GNG5: variants seen among roughly 807,000 people sequenced by gnomAD.
GNG5 encodes the protein guanine nucleotide-binding protein G(I)/G(S)/G(O) subunit gamma-5.
GNG5 carries 2 observed loss-of-function variants against 6.2 expected under a neutral mutation model. That is an observed-to-expected ratio of 0.32 (90% CI 0.13 to 1.01). The LOEUF (loss-of-function observed/expected upper bound fraction) is 1.01, where lower values mean the gene tolerates loss of function less well. Among genes scored for constraint, GNG5 ranks in the 50% least tolerant of loss-of-function variants. The probability of loss-of-function intolerance (pLI) is 0.48; values close to 1 mark genes in which losing one functional copy is unlikely to be tolerated. For missense variants in GNG5, 57 were observed against 80.2 expected (o/e 0.71, Z 1.10); for synonymous variants, 24 against 33.0 (o/e 0.73, Z 0.93).
chr1:84,505,371 C>A (rs1426085627), intron 2 of GNG5, among the ~76,000 whole-genome samples: 1 of 152,176 alleles, frequency 6.6e-6, no homozygotes, highest in Non-Finnish European at 1.5e-5. Flanking sequence ...GCAAACTGTG[C>A]CATAGGTATG....
At chr1:84,501,994 A>G (rs767099690) in intron 2 of GNG5, 24 bp from the exon 3 acceptor site, 59 of 1,561,908 alleles carry the variant, frequency 3.8e-5, no homozygotes, top group Non-Finnish European at 4.9e-5. Flanking sequence ...AGAGGGGGGG[A>G]AGTGCCAGAT....
At chr1:84,503,408 C>T (rs1318205930) in intron 2 of GNG5, among the ~76,000 whole-genome samples, 1 of 152,152 alleles carries the variant, frequency 6.6e-6, no homozygotes, top group Non-Finnish European at 1.5e-5. Context: ...TGAATCTAAA[C>T]GCTTATCGAA....
chr1:84,500,681 T>C (rs1682040306), intron 3 of GNG5, among the ~76,000 whole-genome samples: 1 of 152,144 alleles, frequency 6.6e-6, no homozygotes, highest in African/African-American at 2.4e-5. Context: ...TGACACCTGT[T>C]TTCAAAGGGC....
intron 2 of GNG5, among the ~76,000 whole-genome samples, chr1:84,502,349 G>GTC (rs199502659): frequency 3.3e-5 from 5 of 151,852 alleles, no homozygotes; most frequent in African/African-American, 1.2e-4. Flanking sequence ...GGCCAGGATG[G>GTC]TCTCTCTCTC....
intron 2 of GNG5, among the ~76,000 whole-genome samples, chr1:84,503,450 C>T (rs1682098432): frequency 1.3e-5 from 2 of 152,180 alleles, no homozygotes; most frequent in African/African-American, 4.8e-5. Context: ...TACAGCAGTC[C>T]AGAGTAATGA....
At chr1:84,505,819 C>T (rs1045641820) in intron 2 of GNG5, among the ~76,000 whole-genome samples, 192 bp downstream of exon 2, 1 of 152,226 alleles carries the variant, frequency 6.6e-6, no homozygotes, top group Admixed American at 6.5e-5. Context: ...AATCGTCCCC[C>T]TAAAACACAG....
chr1:84,506,327 G>C (rs556944257), intron 1 of GNG5, 26 bp from the exon 2 acceptor site: 1 of 391,200 alleles, frequency 2.6e-6, no homozygotes, highest in African/African-American at 2.1e-5. Context: ...GAGAAGGGGC[G>C]GAGCAGTCGG....
rs946735562 is a variant in GNG5, at chr1:84,506,350, C to T, written c.-210-49G>A. 1.7e-5 allele frequency: 6 copies of T among 361,484 alleles called. No homozygotes were observed. The East Asian group carries it at 2.9e-4, about 18-fold the overall frequency. The allele number at this position is 361,484 out of a possible 1,614,324, so 22.4% of individuals were successfully genotyped here. The stretch of plus-strand genomic sequence containing the variant: ...GCGGAGCAGTCGGTGGGCGCGGCGG[C>T]TGCTGGAGGCTAGCGCGACCCGACT... On this transcript the variant is annotated intron_variant, in intron 1 of 3. Coordinates refer to ENST00000370645, the MANE Select transcript of GNG5 (RefSeq NM_005274.3).
intron 2 of GNG5, among the ~76,000 whole-genome samples, chr1:84,504,585 G>A (rs1298883129): frequency 6.6e-6 from 1 of 152,000 alleles, no homozygotes; most frequent in Non-Finnish European, 1.5e-5. Context: ...TATGATAAAG[G>A]CACACCTGAA....
At chr1:84,502,861 G>A (rs1446189491) in intron 2 of GNG5, among the ~76,000 whole-genome samples, 1 of 152,216 alleles carries the variant, frequency 6.6e-6, no homozygotes, top group Non-Finnish European at 1.5e-5. Flanking sequence ...AAAGAGGCAT[G>A]CATTCATTCA....
chr1:84,502,538 CAGT>C (rs764807767), intron 2 of GNG5, among the ~76,000 whole-genome samples: 17 of 152,268 alleles, frequency 1.1e-4, no homozygotes, highest in South Asian at 1.0e-3. Flanking sequence ...TGAGTACAAA[CAGT>C]AGAATTATGT....
intron 2 of GNG5, among the ~76,000 whole-genome samples, chr1:84,504,922 C>G (rs1028255028): frequency 2.0e-5 from 3 of 152,140 alleles, no homozygotes; most frequent in Non-Finnish European, 4.4e-5. Context: ...CTGAGGTGAC[C>G]ACAACTGAGT....
At chr1:84,505,959 C>T (rs1474234658) in intron 2 of GNG5, 52 bp downstream of exon 2, 2 of 1,196,614 alleles carry the variant, frequency 1.7e-6, no homozygotes, top group Admixed American at 5.6e-5. Flanking sequence ...GCCGCCGGAT[C>T]CCACCCGCCG....
chr1:84,506,147 G>GGCGGGGCCAGACAACTCA lies in GNG5; in HGVS notation c.-74_-57dup. 1 of 1,468,538 alleles carries GGCGGGGCCAGACAACTCA rather than the reference G, an allele frequency of 6.8e-7. No individual in the cohort carries two copies. Among genetic ancestry groups the GGCGGGGCCAGACAACTCA allele is most frequent in the Non-Finnish European group, 9.3e-7 (1 of 1,080,850 alleles). 91.0% of individuals were successfully genotyped at this position (1,468,538 alleles called of 1,614,324 possible). A position where few individuals can be genotyped will look rare whatever the true frequency, so the allele number is the denominator to read the frequency against. On this transcript the variant is annotated 5_prime_UTR_variant, in exon 2 of 4. Coordinates refer to ENST00000370645, the MANE Select transcript of GNG5 (RefSeq NM_005274.3). ...GTCGGTGGGTCGTGGGCCGTGGGTC[G>GGCGGGGCCAGACAACTCA]GCGGGGCCAGACAACTCAGCGGCGC...
chr1:84,504,940 G>A (rs1429177114), intron 2 of GNG5, among the ~76,000 whole-genome samples: 1 of 152,104 alleles, frequency 6.6e-6, no homozygotes, highest in African/African-American at 2.4e-5. Flanking sequence ...AGTAAGCTAG[G>A]TCTCTGACAC....
chr1:84,499,180 AAATT>A (rs1466882288), intron 3 of GNG5, among the ~76,000 whole-genome samples: 2 of 152,228 alleles, frequency 1.3e-5, no homozygotes, highest in African/African-American at 4.8e-5. Flanking sequence ...GTGTACTAAA[AAATT>A]AAAACATGAG....
At chr1:84,502,074 T>G in intron 2 of GNG5, 104 bp from the exon 3 acceptor site, 7 of 763,322 alleles carry the variant, frequency 9.2e-6, no homozygotes, top group South Asian at 1.8e-5. Flanking sequence ...ACAGTACTTC[T>G]CTTGCTTCAA....
chr1:84,504,690 G>GA (rs1048641505), intron 2 of GNG5, among the ~76,000 whole-genome samples: 1 of 152,188 alleles, frequency 6.6e-6, no homozygotes, highest in African/African-American at 2.4e-5. Flanking sequence ...TAAGAATTGG[G>GA]AGAGTAGAGA....
Position 84,505,880 on chromosome 1 carries a change from C to A in GNG5, c.81+131G>T, listed in dbSNP as rs1682188364. 3 of 580,524 alleles carry A rather than the reference C, an allele frequency of 5.2e-6. No homozygotes were observed. In the East Asian group the frequency reaches 1.2e-4, roughly 23 times the overall value. The allele number at this position is 580,524 out of a possible 1,614,324, so 36.0% of individuals were successfully genotyped here. On this transcript the variant is annotated intron_variant, in intron 2 of 3. Coordinates refer to ENST00000370645, the MANE Select transcript of GNG5 (RefSeq NM_005274.3). Reference sequence around the variant, plus strand: ...AAAGCTGGCCGCTCCCCGATCGCCGCCGCTGAGCGCGCGTCCTCTCCAGGG... The same window carrying A: ...AAAGCTGGCCGCTCCCCGATCGCCGACGCTGAGCGCGCGTCCTCTCCAGGG...
Sources: allele counts gnomAD v4.1 joint callset (sites outside exome capture counted in the v4.1 genomes callset), GRCh38; gene constraint gnomAD v4.1.1; transcripts MANE v1.5; gene names NCBI Gene and HGNC (gene_info 2026-07-23, HGNC 2026-07-21).